Variants in RFC3 observed in about 807,000 individuals in gnomAD.
RFC3 encodes the protein A1 38 kDa subunit.
In RFC3, 41 loss-of-function variants were observed where a neutral mutation model predicts 45.1. The observed-to-expected ratio is 0.91, with a 90% CI of 0.71 to 1.18. The LOEUF (loss-of-function observed/expected upper bound fraction) is 1.18, where lower values mean the gene tolerates loss of function less well. Among genes scored for constraint, RFC3 ranks in the 50% most tolerant of loss-of-function variants. The pLI, the probability that RFC3 is intolerant of heterozygous loss-of-function variation, is 0.00. For missense variants in RFC3, 423 were observed against 428.1 expected (o/e 0.99, Z 0.10); for synonymous variants, 149 against 144.0 (o/e 1.03, Z -0.25).
At chr13:33,908,607 T>C (rs1593683931) in intron 8 of RFC3, among the ~76,000 whole-genome samples, 2 of 142,602 alleles carry the variant, frequency 1.4e-5, no homozygotes, top group Admixed American at 7.1e-5. Flanking sequence ...ACACAGGAGA[T>C]ACACACACAC....
At chr13:33,965,694 G>A (rs969391821) in intron 8 of RFC3, among the ~76,000 whole-genome samples, 3 of 152,180 alleles carry the variant, frequency 2.0e-5, no homozygotes, top group South Asian at 4.1e-4. Context: ...TCCTCTAAAG[G>A]TGTATTGGAT....
At chr13:33,950,889 A>G (rs909484182) in intron 8 of RFC3, among the ~76,000 whole-genome samples, 2 of 152,070 alleles carry the variant, frequency 1.3e-5, no homozygotes, top group East Asian at 1.9e-4. Flanking sequence ...GGTATTCACC[A>G]TAAGCTCTTC....
chr13:33,952,893 G>A (rs1244411194), intron 8 of RFC3, among the ~76,000 whole-genome samples: 1 of 151,974 alleles, frequency 6.6e-6, no homozygotes, highest in Non-Finnish European at 1.5e-5. Flanking sequence ...CCAGCCCTTG[G>A]TTGCAGATCT....
At chr13:33,858,681 G>T (rs1009155567) in intron 8 of RFC3, among the ~76,000 whole-genome samples, 1 of 152,054 alleles carries the variant, frequency 6.6e-6, no homozygotes, top group Non-Finnish European at 1.5e-5. Flanking sequence ...AGAACAGTGG[G>T]GCATATGATT....
At chr13:33,873,439 C>T (rs2082425404) in intron 8 of RFC3, among the ~76,000 whole-genome samples, 1 of 152,212 alleles carries the variant, frequency 6.6e-6, no homozygotes, top group Admixed American at 6.5e-5. Flanking sequence ...GTTTTGACTT[C>T]ACTGTGGCTT....
intron 8 of RFC3, among the ~76,000 whole-genome samples, chr13:33,914,270 T>C (rs994992397): frequency 3.3e-5 from 5 of 152,182 alleles, no homozygotes; most frequent in Admixed American, 2.6e-4. Flanking sequence ...TGCTTTATTC[T>C]AGGCTACTTT....
intron 8 of RFC3, among the ~76,000 whole-genome samples, chr13:33,940,746 C>CAATAGTTTAGAAACCTTAT (rs1240142327): frequency 3.0e-4 from 45 of 152,170 alleles, no homozygotes; most frequent in Non-Finnish European, 5.4e-4. Flanking sequence ...TGAAACCTTA[C>CAATAGTTTAGAAACCTTAT]AATAGTTTAG....
At chr13:33,827,483 A>G (rs1331956067) in intron 4 of RFC3, among the ~76,000 whole-genome samples, 1 of 152,234 alleles carries the variant, frequency 6.6e-6, no homozygotes, top group Non-Finnish European at 1.5e-5. Context: ...ATTATAAGAG[A>G]AATGTTGAAC....
At chr13:33,890,069 G>A (rs536220011) in intron 8 of RFC3, among the ~76,000 whole-genome samples, 1 of 152,260 alleles carries the variant, frequency 6.6e-6, no homozygotes, top group East Asian at 1.9e-4. Flanking sequence ...CGTTGGTGAT[G>A]ATGGAGATAA....
At chr13:33,821,057 A>G in intron 1 of RFC3, 75 bp from the exon 2 acceptor site, 1 of 1,426,116 alleles carries the variant, frequency 7.0e-7, no homozygotes, top group Non-Finnish European at 9.6e-7. Flanking sequence ...AATATTTGTT[A>G]CTTAAAAAGT....
intron 8 of RFC3, among the ~76,000 whole-genome samples, chr13:33,905,868 A>G (rs777650503): frequency 7.9e-5 from 12 of 152,140 alleles, no homozygotes; most frequent in Non-Finnish European, 1.8e-4. Context: ...GTCTGACCTG[A>G]TAAGACAATC....
intron 1 of RFC3, among the ~76,000 whole-genome samples, chr13:33,819,753 G>A (rs1006142036): frequency 2.6e-5 from 4 of 152,114 alleles, no homozygotes; most frequent in African/African-American, 9.7e-5. Flanking sequence ...GTATATTTTG[G>A]ACATGAATTT....
At chr13:33,898,902 G>A (rs368221401) in intron 8 of RFC3, among the ~76,000 whole-genome samples, 15 of 151,412 alleles carry the variant, frequency 9.9e-5, no homozygotes, top group East Asian at 3.9e-4. Context: ...TGGAAAAGCC[G>A]GAAGAAATAA....
chr13:33,819,212 G>T (rs1228176325), intron 1 of RFC3, among the ~76,000 whole-genome samples: 1 of 152,118 alleles, frequency 6.6e-6, no homozygotes, highest in Non-Finnish European at 1.5e-5. Context: ...CTTTGTGAAA[G>T]ATCCTCTCCC....
chr13:33,884,964 C>T (rs759099018), intron 8 of RFC3, among the ~76,000 whole-genome samples: 23 of 152,164 alleles, frequency 1.5e-4, no homozygotes, highest in South Asian at 2.1e-4. Context: ...CTGAACTCCT[C>T]GACCTCTTAG....
chr13:33,946,169 T>C (rs1459301044), intron 8 of RFC3, among the ~76,000 whole-genome samples: 1 of 152,198 alleles, frequency 6.6e-6, no homozygotes, highest in East Asian at 1.9e-4. Flanking sequence ...CAGTAGCACT[T>C]TCCCATTATT....
At chr13:33,964,454 T>G (rs933333879) in intron 8 of RFC3, among the ~76,000 whole-genome samples, 1 of 152,300 alleles carries the variant, frequency 6.6e-6, no homozygotes, top group African/African-American at 2.4e-5. Flanking sequence ...AATCATTCTG[T>G]TTTTGTCCAG....
chr13:33,864,266 C>G (rs1334051098), intron 8 of RFC3, among the ~76,000 whole-genome samples: 1 of 152,186 alleles, frequency 6.6e-6, no homozygotes, highest in East Asian at 1.9e-4. Flanking sequence ...CCCCCTCCCA[C>G]TAGGCCCACC....
downstream of RFC3, among the ~76,000 whole-genome samples, chr13:33,970,159 A>G (rs1241029304): frequency 5.9e-5 from 9 of 152,096 alleles, 1 homozygote; most frequent in South Asian, 1.5e-3. Flanking sequence ...ATCATTCACT[A>G]TCATTCATAA....
Sources: gnomAD v4.1 joint callset for allele counts (sites outside exome capture counted in the v4.1 genomes callset) on GRCh38, gnomAD v4.1.1 for gene constraint, MANE v1.5 for transcripts, NCBI Gene and HGNC (gene_info 2026-07-23, HGNC 2026-07-21) for gene names.